Variants in SUPT20HL1 observed in about 807,000 individuals in gnomAD.
The protein encoded by SUPT20HL1 is transcription factor SPT20 homolog-like 1.
For synonymous variants in SUPT20HL1, 133 were observed against 79.2 expected, an observed-to-expected ratio of 1.68 and a Z score of -3.61; for missense variants, 277 against 200.3, an observed-to-expected ratio of 1.38 and a Z score of -2.31.
In SUPT20HL1 at chrX:24,361,667, A is replaced by C. The variant is rs146528728; in HGVS notation, c.-1094A>C. Among the ~76,000 whole-genome samples the C allele has an allele frequency of 1.9e-4, 21 of 110,860 alleles. No homozygotes were observed. Among genetic ancestry groups the C allele is most frequent in the African/African-American group, 7.1e-4 (21 of 29,697 alleles). The stretch of plus-strand genomic sequence containing the variant: ...AATTGTTCTCGTCCTTATCAGGTGC[A>C]AATCACCTTGTAGAAATGAATGGTT... On this transcript the variant is annotated 5_prime_UTR_variant, in exon 1 of 1. Transcript: ENST00000686983.
rs769701548 is a variant in SUPT20HL1 at position 24,364,859 on chromosome X, A to G, written c.2099A>G (p.Gln700Arg). The G allele has an allele frequency of 5.2e-6, 2 of 387,744 alleles. No individual in the cohort carries two copies. Among genetic ancestry groups the G allele is most frequent in the South Asian group, 2.3e-5 (1 of 42,841 alleles). 32.0% of individuals were successfully genotyped at this position (387,744 alleles called of 1,213,427 possible). A position where few individuals can be genotyped will look rare whatever the true frequency, so the allele number is the denominator to read the frequency against. The change falls in exon 1 of 1, where the codon CAG (glutamine) becomes CGG (arginine). Residue 700 changes from glutamine (Q) to arginine (R), a missense_variant. Coordinates refer to ENST00000686983, the MANE Select transcript of SUPT20HL1 (RefSeq NM_001136234.3). Reference protein sequence around the residue: ...PQGSAVLTGPQQQSHQLVSLQ... With the variant: ...PQGSAVLTGPRQQSHQLVSLQ... The stretch of plus-strand genomic sequence containing the variant: ...GGCTCGGCGGTTCTGACCGGCCCGC[A>G]GCAGCAGTCCCATCAGCTGGTTTCC...
rs1939424090 is a variant in SUPT20HL1, at chrX:24,361,083, T to C, written c.-1678T>C. ...ACAATCTGAGGCTTATTCTGTACTGTCTTCCAAGGTCCCCAGCATGGACCA... is the reference window on the plus strand; with the variant it reads ...ACAATCTGAGGCTTATTCTGTACTGCCTTCCAAGGTCCCCAGCATGGACCA... On this transcript the variant is annotated 5_prime_UTR_variant, in exon 1 of 1. Transcript: ENST00000686983. Among the ~76,000 whole-genome samples, 1 of 112,505 alleles carries C rather than the reference T, an allele frequency of 8.9e-6. No homozygotes were observed. The highest frequency in any genetic ancestry group is 3.7e-4 in the South Asian group (1 of 2,734).
rs1232114702 is a variant in SUPT20HL1 at position 24,366,841 on chromosome X, A to ACAAC, written c.*1424_*1427dup. Among the ~76,000 whole-genome samples the ACAAC allele has an allele frequency of 1.0e-5, 1 of 95,783 alleles. No individual in the cohort carries two copies. The highest frequency in any genetic ancestry group is 4.4e-5 in the African/African-American group (1 of 22,822). 83.2% of individuals were successfully genotyped at this position (95,783 alleles called of 115,157 possible). A position where few individuals can be genotyped will look rare whatever the true frequency, so the allele number is the denominator to read the frequency against. ...TTAACAACTAAGGGGTAATCACAGA[A>ACAAC]CAACCAACCATTGTAAAGTACAATT... On this transcript the variant is annotated 3_prime_UTR_variant, in exon 1 of 1. Transcript: ENST00000686983.
Position 24,361,732 on chromosome X carries a change from A to C in SUPT20HL1, c.-1029A>C, listed in dbSNP as rs1212927549. Reference sequence around the variant, plus strand: ...CATCCTGACCTGCAATCCATAGACAATGTAATGACCCACCACGTAATTTTT... The same window carrying C: ...CATCCTGACCTGCAATCCATAGACACTGTAATGACCCACCACGTAATTTTT... On this transcript the variant is annotated 5_prime_UTR_variant, in exon 1 of 1. It removes an upstream start codon present in the reference 5' UTR. Coordinates refer to ENST00000686983, the MANE Select transcript of SUPT20HL1 (RefSeq NM_001136234.3). Among the ~76,000 whole-genome samples, 2 of 112,252 alleles carry C rather than the reference A, an allele frequency of 1.8e-5. No individual in the cohort carries two copies. Among genetic ancestry groups the C allele is most frequent in the African/African-American group, 6.5e-5 (2 of 30,866 alleles).
At position 24,366,618 on chromosome X, in the gene SUPT20HL1, A is replaced by G. The variant is rs1939486594; in HGVS notation, c.*1194A>G. Among the ~76,000 whole-genome samples the G allele has an allele frequency of 9.5e-6, 1 of 105,015 alleles. No homozygotes were observed. 91.2% of individuals were successfully genotyped at this position (105,015 alleles called of 115,157 possible). A position where few individuals can be genotyped will look rare whatever the true frequency, so the allele number is the denominator to read the frequency against. ...AGTGAAACATTTGAAAATCCATTTT[A>G]TTGGTTTGCTTTTCAAATATCTGTA... On this transcript the variant is annotated 3_prime_UTR_variant, in exon 1 of 1. Transcript: ENST00000686983.
chrX:24,366,671 CT>C lies in SUPT20HL1; in HGVS notation c.*1252del, dbSNP rs1442887067. 2.0e-5 allele frequency among the ~76,000 whole-genome samples: 2 copies of C among 98,758 alleles called. No homozygotes were observed. The highest frequency in any genetic ancestry group is 8.3e-5 in the African/African-American group (2 of 24,065). The allele number at this position is 98,758 out of a possible 115,157, so 85.8% of individuals were successfully genotyped here. On this transcript the variant is annotated 3_prime_UTR_variant, in exon 1 of 1. Transcript: ENST00000686983. ...CTTGTTTCTTAAGTAGAACCCCCGT[CT>C]TTTTCTTTGTCTTTTTCTCTTTGTT... is the stretch of plus-strand genomic sequence containing the variant.
chrX:24,364,548 G>A lies in SUPT20HL1; in HGVS notation c.1788G>A (p.Ala596=), dbSNP rs780866415. 36 of 549,310 alleles carry A rather than the reference G, an allele frequency of 6.6e-5. No individual in the cohort carries two copies. The highest frequency in any genetic ancestry group is 4.5e-4 in the South Asian group (20 of 44,409). 45.3% of individuals were successfully genotyped at this position (549,310 alleles called of 1,213,427 possible). Residue 596 remains alanine (A), a synonymous_variant, in exon 1 of 1, where the codon GCG becomes GCA. Coordinates refer to ENST00000686983, the MANE Select transcript of SUPT20HL1 (RefSeq NM_001136234.3). ...CCCCCACCAAATTCATAAAAATAGC[G>A]CCAGCCATTCAGTTGAGGACAGGCT... ...AQPPTKFIKI[A]PAIQLRTGST...
At position 24,364,309 on chromosome X, in the gene SUPT20HL1, GCTC is replaced by G. The variant is rs762156994; in HGVS notation, c.1552_1554del (p.Pro518del). On this transcript the variant is annotated inframe_deletion, in exon 1 of 1. Coordinates refer to ENST00000686983, the MANE Select transcript of SUPT20HL1 (RefSeq NM_001136234.3). ...TGCTGCTGCTGCTGCTGCTGCTGCT[GCTC>G]CTGCTCCTGCTCTAGCTGCTGCTGC... is the stretch of plus-strand genomic sequence containing the variant. The G allele has an allele frequency of 9.3e-3, 7,407 of 792,860 alleles. 33 individuals are homozygous for G. Among genetic ancestry groups the G allele is most frequent in the African/African-American group, 0.065 (1,613 of 24,788 alleles). The allele number at this position is 792,860 out of a possible 1,213,427, so 65.3% of individuals were successfully genotyped here. A position where few individuals can be genotyped will look rare whatever the true frequency, so the allele number is the denominator to read the frequency against.
rs1939427169 is a variant in SUPT20HL1, at chrX:24,361,615, T to C, written c.-1146T>C. On this transcript the variant is annotated 5_prime_UTR_variant, in exon 1 of 1. Coordinates refer to ENST00000686983, the MANE Select transcript of SUPT20HL1 (RefSeq NM_001136234.3). ...AAGGTCTACAGTTTACTCTAATCAT[T>C]GAAAATTTATTGCCATCACCTGGAA... Among the ~76,000 whole-genome samples, 1 of 111,949 alleles carries C rather than the reference T, an allele frequency of 8.9e-6. No individual in the cohort carries two copies. The highest frequency in any genetic ancestry group is 3.2e-5 in the African/African-American group (1 of 30,791).
In SUPT20HL1 at chrX:24,365,199, G is replaced by T. The variant is rs955011439; in HGVS notation, c.2439G>T (p.Ser813=). 1 of 350,684 alleles carries T rather than the reference G, an allele frequency of 2.9e-6. No individual in the cohort carries two copies. The highest frequency in any genetic ancestry group is 5.7e-6 in the Non-Finnish European group (1 of 175,351). The allele number at this position is 350,684 out of a possible 1,213,427, so 28.9% of individuals were successfully genotyped here. The part of the protein sequence containing the change: ...QPKPRQEQPQ[S]QQQQPQHIQL... ...AGCCACGGCAGGAGCAGCCACAGTC[G>T]CAGCAGCAGCAGCCGCAGCATATCC... The change falls in exon 1 of 1, where the codon TCG becomes TCT. Residue 813 remains serine, a synonymous_variant. Coordinates refer to ENST00000686983, the MANE Select transcript of SUPT20HL1 (RefSeq NM_001136234.3).
chrX:24,366,341 A>ATTT lies in SUPT20HL1; in HGVS notation c.*918_*919insTTT, dbSNP rs1401143641. Among the ~76,000 whole-genome samples the ATTT allele has an allele frequency of 1.8e-5, 2 of 112,085 alleles. No individual in the cohort carries two copies. The highest frequency in any genetic ancestry group is 6.5e-5 in the African/African-American group (2 of 30,810). On this transcript the variant is annotated 3_prime_UTR_variant, in exon 1 of 1. Transcript: ENST00000686983. ...TTACACATTCATTTTGAAAAATGAA[A>ATTT]TGAAAAAGTACAATACAGTGATCCT...
chrX:24,364,665 G>A lies in SUPT20HL1; in HGVS notation c.1905G>A (p.Ser635=), dbSNP rs368479050. ...TCAAGCCTGTGCAGGCCCCTGGCTC[G>A]GGTGCCCCCGCTCCTGCAGGAATCA... ...SSFKPVQAPG[S]GAPAPAGISG... is the part of the protein sequence containing the mutation. The change falls in exon 1 of 1, where the codon TCG becomes TCA. Residue 635 remains serine, a synonymous_variant. Coordinates refer to ENST00000686983, the MANE Select transcript of SUPT20HL1 (RefSeq NM_001136234.3). The A allele has an allele frequency of 1.1e-5, 5 of 462,121 alleles. No homozygotes were observed. Among genetic ancestry groups the A allele is most frequent in the Non-Finnish European group, 2.1e-5 (5 of 242,077 alleles). The allele number at this position is 462,121 out of a possible 1,213,427, so 38.1% of individuals were successfully genotyped here.
rs763687328 is a variant in SUPT20HL1 at position 24,365,180 on chromosome X, G to C, written c.2420G>C (p.Arg807Pro). ...QLQPQWQPKP[R>P]QEQPQSQQQQ... ...CAACCGCAGTGGCAGCCAAAGCCAC[G>C]GCAGGAGCAGCCACAGTCGCAGCAG... The change falls in exon 1 of 1, where the codon CGG becomes CCG. Residue 807 changes from arginine to proline, a missense_variant. Transcript: ENST00000686983. 8.6e-6 allele frequency: 3 copies of C among 346,864 alleles called. No homozygotes were observed. Among genetic ancestry groups the C allele is most frequent in the African/African-American group, 7.9e-5 (3 of 38,074 alleles). 28.6% of individuals were successfully genotyped at this position (346,864 alleles called of 1,213,427 possible). A position where few individuals can be genotyped will look rare whatever the true frequency, so the allele number is the denominator to read the frequency against.
rs1314525289 is a variant in SUPT20HL1, at chrX:24,363,847, C to T, written c.1087C>T (p.Leu363Phe). 2.5e-6 allele frequency: 1 copy of T among 394,672 alleles called. No individual in the cohort carries two copies. The allele number at this position is 394,672 out of a possible 1,213,427, so 32.5% of individuals were successfully genotyped here. A position where few individuals can be genotyped will look rare whatever the true frequency, so the allele number is the denominator to read the frequency against. Residue 363 changes from leucine (L) to phenylalanine (F), a missense_variant, in exon 1 of 1, where the codon CTC becomes TTC. By Grantham distance (22) the Leu-to-Phe change is conservative. Coordinates refer to ENST00000686983, the MANE Select transcript of SUPT20HL1 (RefSeq NM_001136234.3). ...SIMQSFNDPLLCGKIRPRKKA... is the reference protein window; with the variant it reads ...SIMQSFNDPLFCGKIRPRKKA... The stretch of plus-strand genomic sequence containing the variant: ...CATGCAGTCGTTTAATGATCCGCTT[C>T]TCTGTGGTAAAATACGGCCACGTAA...
rs1456615457 is a variant in SUPT20HL1, at chrX:24,362,054, C to T, written c.-707C>T. Among the ~76,000 whole-genome samples, 1 of 112,786 alleles carries T rather than the reference C, an allele frequency of 8.9e-6. No homozygotes were observed. Among genetic ancestry groups the T allele is most frequent in the African/African-American group, 3.2e-5 (1 of 31,108 alleles). ...TTGAAGTTTCCACCAAGATCAGTGA[C>T]AACTTCCCATGATTTCCCGACAGCG... On this transcript the variant is annotated 5_prime_UTR_variant, in exon 1 of 1. Coordinates refer to ENST00000686983, the MANE Select transcript of SUPT20HL1 (RefSeq NM_001136234.3).
In SUPT20HL1 at chrX:24,366,668, C is replaced by T. The variant is rs186298249; in HGVS notation, c.*1244C>T. On this transcript the variant is annotated 3_prime_UTR_variant, in exon 1 of 1. Coordinates refer to ENST00000686983, the MANE Select transcript of SUPT20HL1 (RefSeq NM_001136234.3). ...AGCCTTGTTTCTTAAGTAGAACCCCCGTCTTTTTCTTTGTCTTTTTCTCTT... is the reference window on the plus strand; with the variant it reads ...AGCCTTGTTTCTTAAGTAGAACCCCTGTCTTTTTCTTTGTCTTTTTCTCTT... Among the ~76,000 whole-genome samples the T allele has an allele frequency of 2.0e-5, 2 of 98,661 alleles. No homozygotes were observed. The highest frequency in any genetic ancestry group is 3.1e-4 in the East Asian group (1 of 3,236). The allele number at this position is 98,661 out of a possible 115,157, so 85.7% of individuals were successfully genotyped here.
rs1939444614 is a variant in SUPT20HL1 at position 24,363,607 on chromosome X, A to G, written c.847A>G (p.Ile283Val). 1 of 386,087 alleles carries G rather than the reference A, an allele frequency of 2.6e-6. No individual in the cohort carries two copies. The highest frequency in any genetic ancestry group is 5.2e-6 in the Non-Finnish European group (1 of 192,502). The allele number at this position is 386,087 out of a possible 1,213,427, so 31.8% of individuals were successfully genotyped here. The change falls in exon 1 of 1, where the codon ATT becomes GTT. Residue 283 changes from isoleucine to valine, a missense_variant. Physicochemically the swap from Ile to Val is conservative, Grantham distance 29. Transcript: ENST00000686983. ...AGTAGGTCAGCCTTGTGAGCTGAAC[A>G]TTGCTAAAGCAGGAAGTTGTGTAGA... ...RKVGQPCELNIAKAGSCVDTW... is the reference protein window; with the variant it reads ...RKVGQPCELNVAKAGSCVDTW...
In SUPT20HL1 at chrX:24,367,691, C is replaced by T. The variant is rs1352958452; in HGVS notation, c.*2267C>T. 8.9e-6 allele frequency among the ~76,000 whole-genome samples: 1 copy of T among 112,285 alleles called. No individual in the cohort carries two copies. Among genetic ancestry groups the T allele is most frequent in the African/African-American group, 3.2e-5 (1 of 30,881 alleles). On this transcript the variant is annotated 3_prime_UTR_variant, in exon 1 of 1. Coordinates refer to ENST00000686983, the MANE Select transcript of SUPT20HL1 (RefSeq NM_001136234.3). Reference sequence around the variant, plus strand: ...TTTGGGTGCCAACTAGAGACCTGAACTCAGAATATCATCAGATTTGGTCTA... The same window carrying T: ...TTTGGGTGCCAACTAGAGACCTGAATTCAGAATATCATCAGATTTGGTCTA...
rs1207268902 is a variant in SUPT20HL1, at chrX:24,361,660, C to T, written c.-1101C>T. On this transcript the variant is annotated 5_prime_UTR_variant, in exon 1 of 1. Transcript: ENST00000686983. ...CTGGAACAATTGTTCTCGTCCTTATCAGGTGCAAATCACCTTGTAGAAATG... is the reference window on the plus strand; with the variant it reads ...CTGGAACAATTGTTCTCGTCCTTATTAGGTGCAAATCACCTTGTAGAAATG... Among the ~76,000 whole-genome samples the T allele has an allele frequency of 8.9e-6, 1 of 112,018 alleles. No individual in the cohort carries two copies. The highest frequency in any genetic ancestry group is 3.2e-5 in the African/African-American group (1 of 30,814).
Sources: gnomAD v4.1 joint callset for allele counts (sites outside exome capture counted in the v4.1 genomes callset) on GRCh38, gnomAD v4.1.1 for gene constraint, MANE v1.5 for transcripts, NCBI Gene and HGNC (gene_info 2026-07-23, HGNC 2026-07-21) for gene names.